Variants in KCNIP4 observed in about 807,000 individuals in gnomAD.
KCNIP4 encodes potassium voltage-gated channel interacting protein 4.
In KCNIP4, 12 loss-of-function variants were observed where a neutral mutation model predicts 34.0. The observed-to-expected ratio is 0.35, with a 90% CI of 0.23 to 0.57. The LOEUF (loss-of-function observed/expected upper bound fraction) is 0.57. Among genes scored for constraint, KCNIP4 ranks in the 20% least tolerant of loss-of-function variants. The pLI is 0.83. For missense variants in KCNIP4, 238 were observed against 311.7 expected (o/e 0.76, Z 1.78); for synonymous variants, 124 against 102.2 (o/e 1.21, Z -1.29).
At chr4:21,937,348 C>A (rs756692058) in intron 1 of KCNIP4, among the ~76,000 whole-genome samples, 3 of 152,088 alleles carry the variant, frequency 2.0e-5, no homozygotes, top group African/African-American at 7.2e-5. Context: ...CTTTCTCCCC[C>A]ACAACAGTCA....
intron 1 of KCNIP4, among the ~76,000 whole-genome samples, chr4:21,740,952 G>T (rs947998061): frequency 6.6e-6 from 1 of 151,966 alleles, no homozygotes; most frequent in African/African-American, 2.4e-5. Context: ...AATAAACACT[G>T]GTTGAAAATA....
intron 1 of KCNIP4, among the ~76,000 whole-genome samples, chr4:21,192,749 T>C (rs1050805105): frequency 6.6e-6 from 1 of 151,968 alleles, no homozygotes; most frequent in Non-Finnish European, 1.5e-5. Flanking sequence ...AATAAAAAAA[T>C]TCTTTATTTA....
At chr4:20,757,431 A>C (rs1324293020) in intron 4 of KCNIP4, among the ~76,000 whole-genome samples, 3 of 152,160 alleles carry the variant, frequency 2.0e-5, no homozygotes, top group African/African-American at 7.2e-5. Context: ...GATCCCACTT[A>C]AACTTATCAG....
intron 1 of KCNIP4, among the ~76,000 whole-genome samples, chr4:21,627,978 T>C (rs1025208864): frequency 6.6e-6 from 1 of 152,168 alleles, no homozygotes; most frequent in Non-Finnish European, 1.5e-5. Context: ...GGAGGTAATA[T>C]GTATGCAGTA....
chr4:21,181,765 C>T (rs1335596838), intron 1 of KCNIP4, among the ~76,000 whole-genome samples: 3 of 152,094 alleles, frequency 2.0e-5, no homozygotes, highest in Admixed American at 2.0e-4. Context: ...CATTACATAC[C>T]ATTACTACAG....
chr4:21,061,692 G>A (rs1366335264), intron 1 of KCNIP4, among the ~76,000 whole-genome samples: 2 of 152,154 alleles, frequency 1.3e-5, no homozygotes. Flanking sequence ...TAACAACAGT[G>A]TGATCTATGC....
chr4:21,243,610 A>G (rs1316130902), intron 1 of KCNIP4, among the ~76,000 whole-genome samples: 1 of 152,176 alleles, frequency 6.6e-6, no homozygotes, highest in African/African-American at 2.4e-5. Context: ...CCTTATATGC[A>G]GTAACTCCAG....
intron 1 of KCNIP4, among the ~76,000 whole-genome samples, chr4:21,177,930 C>T (rs114281991): frequency 0.013 from 1,901 of 150,254 alleles, 43 homozygotes; most frequent in African/African-American, 0.044. Flanking sequence ...ATAATTTATC[C>T]CCCATGTTTT....
intron 1 of KCNIP4, among the ~76,000 whole-genome samples, chr4:21,397,766 G>C (rs1009253730): frequency 6.6e-6 from 1 of 152,004 alleles, no homozygotes; most frequent in African/African-American, 2.4e-5. Context: ...GAAAGAATGG[G>C]GACTATAAGT....
chr4:21,703,369 A>G lies in KCNIP4; in HGVS notation c.61+245202T>C, dbSNP rs1713016147. On this transcript the variant is annotated intron_variant, in intron 1 of 8. Transcript: ENST00000382152. ...AAAACCCAAAGAATCTATAAAAATT[A>G]AAATTTCTCTTTTTTTATTATACTT... is the stretch of plus-strand genomic sequence containing the variant. Among the ~76,000 whole-genome samples, 5 of 152,304 alleles carry G rather than the reference A, an allele frequency of 3.3e-5. No individual in the cohort carries two copies. In the South Asian group the frequency reaches 1.0e-3, roughly 32 times the overall value.
rs574634625 is a variant in KCNIP4 at position 21,457,938 on chromosome 4, G to A, written c.61+490633C>T. Among the ~76,000 whole-genome samples, 8 of 151,930 alleles carry A rather than the reference G, an allele frequency of 5.3e-5. 1 individual carries two copies. In the South Asian group the frequency reaches 6.2e-4, roughly 12 times the overall value. Reference sequence around the variant, plus strand: ...ACTGTCTCAGCATCCTGTTAGCTACGTTCCTGCCCTCCATCTTATTCCCTG... The same window carrying A: ...ACTGTCTCAGCATCCTGTTAGCTACATTCCTGCCCTCCATCTTATTCCCTG... On this transcript the variant is annotated intron_variant, in intron 1 of 8. Transcript: ENST00000382152.
chr4:21,451,622 A>G (rs1728512138), intron 1 of KCNIP4, among the ~76,000 whole-genome samples: 1 of 152,172 alleles, frequency 6.6e-6, no homozygotes, highest in African/African-American at 2.4e-5. Context: ...GTTTTTGTAG[A>G]TAACCAAAAA....
intron 1 of KCNIP4, among the ~76,000 whole-genome samples, chr4:21,918,457 T>TCCACA (rs1728760656): frequency 6.6e-6 from 1 of 152,046 alleles, no homozygotes; most frequent in East Asian, 1.9e-4. Context: ...AACTGTGGAT[T>TCCACA]TGCTGAGTGG....
chr4:21,118,658 G>GT (rs1456916561), intron 1 of KCNIP4, among the ~76,000 whole-genome samples: 1 of 152,158 alleles, frequency 6.6e-6, no homozygotes, highest in Non-Finnish European at 1.5e-5. Context: ...GTGCAAGTGG[G>GT]TGGTGGGGGG....
At chr4:21,268,072 T>C (rs189934518) in intron 1 of KCNIP4, among the ~76,000 whole-genome samples, 1 of 152,276 alleles carries the variant, frequency 6.6e-6, no homozygotes, top group Admixed American at 6.5e-5. Flanking sequence ...CCTGGGGAGT[T>C]ATTCTTATAC....
At chr4:21,836,956 C>T (rs534181220) in intron 1 of KCNIP4, among the ~76,000 whole-genome samples, 4 of 135,572 alleles carry the variant, frequency 3.0e-5, no homozygotes, top group South Asian at 4.6e-4. Flanking sequence ...CTGGCTCTGT[C>T]GCCTAGGCTG....
intron 1 of KCNIP4, among the ~76,000 whole-genome samples, chr4:20,909,842 C>T (rs963542910): frequency 6.6e-6 from 1 of 152,120 alleles, no homozygotes; most frequent in Non-Finnish European, 1.5e-5. Flanking sequence ...TTCTCTCTTA[C>T]TTGTCTAGAG....
At chr4:20,798,087 T>C (rs2149412799) in intron 3 of KCNIP4, among the ~76,000 whole-genome samples, 1 of 152,384 alleles carries the variant, frequency 6.6e-6, no homozygotes, top group Non-Finnish European at 1.5e-5. Flanking sequence ...TTCATCTCTA[T>C]ATTTATTTCT....
intron 1 of KCNIP4, among the ~76,000 whole-genome samples, chr4:21,099,196 T>C (rs1418338455): frequency 6.6e-6 from 1 of 152,134 alleles, no homozygotes; most frequent in Non-Finnish European, 1.5e-5. Context: ...CTATTCACAA[T>C]AGCAAAGACA....
Sources: gnomAD v4.1 joint callset for allele counts (sites outside exome capture counted in the v4.1 genomes callset) on GRCh38, gnomAD v4.1.1 for gene constraint, MANE v1.5 for transcripts, NCBI Gene and HGNC (gene_info 2026-07-23, HGNC 2026-07-21) for gene names.